ADAMTS7: variants seen among roughly 807,000 people sequenced by gnomAD.
ADAMTS7 encodes the protein ADAM metallopeptidase with thrombospondin type 1 motif 7, also known as A disintegrin and metalloproteinase with thrombospondin motifs 7.
In ADAMTS7, 89 loss-of-function variants were observed where a neutral mutation model predicts 172.6. The ratio of observed to expected loss-of-function variants is 0.52; its 90% CI spans 0.43 to 0.61. The LOEUF (loss-of-function observed/expected upper bound fraction) is 0.61. ADAMTS7 is among the 20% of genes least tolerant of loss of function. The probability of loss-of-function intolerance (pLI) is 0.00; values close to 1 mark genes in which losing one functional copy is unlikely to be tolerated. For missense variants in ADAMTS7, 1,973 were observed against 2,355.6 expected, an observed-to-expected ratio of 0.84 and a Z score of 3.36; for synonymous variants, 885 against 978.4, an observed-to-expected ratio of 0.90 and a Z score of 1.78.
chr15:78,805,847 G>A (rs1349674731), intron 1 of ADAMTS7, among the ~76,000 whole-genome samples: 3 of 152,116 alleles, frequency 2.0e-5, no homozygotes, highest in South Asian at 2.1e-4. Context: ...TTGGAAGACC[G>A]AGGAGGGCAG....
rs768908564 is a variant in ADAMTS7 at position 78,785,273 on chromosome 15, G to A, written c.1322+2958C>T. On this transcript the variant is annotated intron_variant, in intron 8 of 23. Coordinates refer to ENST00000388820, the MANE Select transcript of ADAMTS7 (RefSeq NM_014272.5). ...CTTAAAAAGAAATGCCATCTAGATG[G>A]GGCGCAGTGGCTCTCATCTGTAATC... 4.2e-4 allele frequency among the ~76,000 whole-genome samples: 64 copies of A among 152,270 alleles called. 1 individual carries two copies. Among genetic ancestry groups the A allele is most frequent in the Non-Finnish European group, 8.5e-4 (58 of 68,024 alleles).
At chr15:78,762,793 G>A (rs3893306) in intron 22 of ADAMTS7, among the ~76,000 whole-genome samples, 36,694 of 152,066 alleles carry the variant, frequency 0.24, 5,008 homozygotes, top group Non-Finnish European at 0.33. Flanking sequence ...GGGAAGGGGC[G>A]TGAGAACCGT....
At chr15:78,774,051 C>T (rs1184227877) in intron 13 of ADAMTS7, 116 bp downstream of exon 13, 10 of 1,499,168 alleles carry the variant, frequency 6.7e-6, no homozygotes, top group Non-Finnish European at 8.9e-6. Flanking sequence ...CAGGAGAGAA[C>T]CTGGGGCCCG....
chr15:78,760,804 A>C (rs995489284), intron 23 of ADAMTS7, among the ~76,000 whole-genome samples: 1 of 152,084 alleles, frequency 6.6e-6, no homozygotes, highest in Non-Finnish European at 1.5e-5. Flanking sequence ...CACTTAGGAC[A>C]GCTTCTAGTT....
In ADAMTS7 at chr15:78,773,135, G is replaced by A. The variant is rs774169849; in HGVS notation, c.2079C>T (p.Asn693=). ...MEDRCGVCHG[N]GSTCHTVSGT... ...CGCTCACGGTGTGGCAGGTGGAGCC[G>A]TTGCCGTGGCACACACCACAGCGGT... The change falls in exon 14 of 24, where the codon AAC becomes AAT. Residue 693 remains asparagine (N), a synonymous_variant. Coordinates refer to ENST00000388820, the MANE Select transcript of ADAMTS7 (RefSeq NM_014272.5). 95 of 1,510,656 alleles carry A rather than the reference G, an allele frequency of 6.3e-5. No homozygotes were observed. Among genetic ancestry groups the A allele is most frequent in the Non-Finnish European group, 7.8e-5 (86 of 1,109,520 alleles). 93.6% of individuals were successfully genotyped at this position (1,510,656 alleles called of 1,614,324 possible).
rs2055794229 is a variant in ADAMTS7, at chr15:78,806,152, A to AAAAAAAC, written c.100+4968_100+4969insGTTTTTT. Among the ~76,000 whole-genome samples, 2 of 115,032 alleles carry AAAAAAAC rather than the reference A, an allele frequency of 1.7e-5. 1 individual carries two copies. Among genetic ancestry groups the AAAAAAAC allele is most frequent in the African/African-American group, 1.0e-4 (2 of 19,790 alleles). The allele number at this position is 115,032 out of a possible 152,430, so 75.5% of individuals were successfully genotyped here. A position where few individuals can be genotyped will look rare whatever the true frequency, so the allele number is the denominator to read the frequency against. ...CAAAAAAAAAAAAAAAAAAAAAAAA[A>AAAAAAAC]AAACAGAAAAATGGGTGCAGTAGAC... On this transcript the variant is annotated intron_variant, in intron 1 of 23. Coordinates refer to ENST00000388820, the MANE Select transcript of ADAMTS7 (RefSeq NM_014272.5).
chr15:78,776,695 GCA>G, intron 10 of ADAMTS7, 52 bp downstream of exon 10: 1 of 1,494,886 alleles, frequency 6.7e-7, no homozygotes, highest in Non-Finnish European at 9.1e-7. Context: ...CCTGGTCACA[GCA>G]GGAAGTCTGG....
Position 78,796,704 on chromosome 15 carries a change from C to T in ADAMTS7, c.705G>A (p.Gln235=). 1 of 1,613,618 alleles carries T rather than the reference C, an allele frequency of 6.2e-7. No individual in the cohort carries two copies. The highest frequency in any genetic ancestry group is 8.5e-7 in the Non-Finnish European group (1 of 1,179,956). ...WRRPRLRRLH[Q]RSVSKEKWVE... ...CCCACTTCTCTTTGCTGACCGACCG[C>T]TGGTGTAGACGCCTCAGCCGTGGCC... is the stretch of plus-strand genomic sequence containing the variant. Residue 235 remains glutamine (Q), a synonymous_variant, in exon 4 of 24, where the codon CAG becomes CAA. Transcript: ENST00000388820.
chr15:78,800,363 C>G lies in ADAMTS7; in HGVS notation c.285G>C (p.Leu95=). ...GCGCCAGCAGGTGCTGATTGGCGGT[C>G]AGGTTGAAGCGCAGCTCGCGCCCGC... ...QYRGRELRFN[L]TANQHLLAPG... The change falls in exon 2 of 24, where the codon CTG becomes CTC. Residue 95 remains leucine (L), a synonymous_variant. Coordinates refer to ENST00000388820, the MANE Select transcript of ADAMTS7 (RefSeq NM_014272.5). 2.5e-6 allele frequency: 4 copies of G among 1,604,588 alleles called. No individual in the cohort carries two copies. The highest frequency in any genetic ancestry group is 3.4e-6 in the Non-Finnish European group (4 of 1,176,718).
At position 78,785,990 on chromosome 15, in the gene ADAMTS7, C is replaced by A. The variant is rs375258098; in HGVS notation, c.1322+2241G>T. 6.0e-5 allele frequency among the ~76,000 whole-genome samples: 9 copies of A among 149,530 alleles called. No individual in the cohort carries two copies. In the East Asian group the frequency reaches 7.7e-4, roughly 13 times the overall value. The stretch of plus-strand genomic sequence containing the variant: ...TGTTGCCCAGGTTGGAGTGCAGTGG[C>A]GCGATCTTGGCTCACTGCAACCTCC... On this transcript the variant is annotated intron_variant, in intron 8 of 23. Transcript: ENST00000388820.
At chr15:78,772,812 C>T (rs1201872038) in intron 14 of ADAMTS7, among the ~76,000 whole-genome samples, 2 of 152,264 alleles carry the variant, frequency 1.3e-5, no homozygotes, top group African/African-American at 4.8e-5. Flanking sequence ...GAGGAGACTA[C>T]CATTCTTTGG....
intron 9 of ADAMTS7, 135 bp from the exon 10 acceptor site, chr15:78,776,976 C>T (rs2055356863): frequency 5.6e-6 from 4 of 713,118 alleles, no homozygotes; most frequent in African/African-American, 3.5e-5. Context: ...CCAGAGGTTC[C>T]TTCTTGTGTG....
intron 1 of ADAMTS7, among the ~76,000 whole-genome samples, chr15:78,802,087 T>A (rs1170852890): frequency 6.6e-6 from 1 of 152,148 alleles, no homozygotes; most frequent in Non-Finnish European, 1.5e-5. Context: ...TCCTCCCACC[T>A]CAGCCTCCTA....
intron 1 of ADAMTS7, among the ~76,000 whole-genome samples, chr15:78,802,771 C>G (rs1018593309): frequency 3.3e-5 from 5 of 152,192 alleles, no homozygotes; most frequent in African/African-American, 1.2e-4. Context: ...CCGAGGCAGG[C>G]AAATCACTTG....
chr15:78,796,363 C>A (rs752229956), intron 4 of ADAMTS7, among the ~76,000 whole-genome samples: 6 of 152,128 alleles, frequency 3.9e-5, no homozygotes, highest in Non-Finnish European at 7.4e-5. Context: ...GGCATGACAC[C>A]CTATGGTGTC....
intron 16 of ADAMTS7, among the ~76,000 whole-genome samples, 198 bp from the exon 17 acceptor site, chr15:78,768,457 T>A (rs1294524804): frequency 4.6e-5 from 7 of 152,124 alleles, no homozygotes. Context: ...CCGCCCCCTC[T>A]CCTATGTAGC....
chr15:78,762,645 G>C, intron 22 of ADAMTS7, 80 bp from the exon 23 acceptor site: 1 of 1,154,092 alleles, frequency 8.7e-7, no homozygotes, highest in Non-Finnish European at 1.1e-6. Flanking sequence ...CTGGGAAGCC[G>C]TCCCTGCGCC....
rs778722043 is a variant in ADAMTS7, at chr15:78,776,222, C to T, written c.1672G>A (p.Val558Ile). ...GTGCACTGCCGCTCGGCGCTCTGTACGCCCATGCCACAGCTCCGTGAGCAG... is the reference window on the plus strand; with the variant it reads ...GTGCACTGCCGCTCGGCGCTCTGTATGCCCATGCCACAGCTCCGTGAGCAG... ...SICSRSCGMG[V>I]QSAERQCTQP... The change falls in exon 11 of 24, where the codon GTA becomes ATA. Residue 558 changes from valine to isoleucine, a missense_variant. Around this residue, in one of 8 missense-constraint regions of ADAMTS7, gnomAD observed 526 missense variants for 662.9 expected, o/e 0.79. Coordinates refer to ENST00000388820, the MANE Select transcript of ADAMTS7 (RefSeq NM_014272.5). 54 of 1,611,396 alleles carry T rather than the reference C, an allele frequency of 3.4e-5. No individual in the cohort carries two copies. The highest frequency in any genetic ancestry group is 4.1e-5 in the Non-Finnish European group (48 of 1,179,808).
At chr15:78,811,066 G>C (rs549946886) in intron 1 of ADAMTS7, 55 bp downstream of exon 1, 1 of 1,227,360 alleles carries the variant, frequency 8.1e-7, no homozygotes, top group East Asian at 3.2e-5. Context: ...AACCGAGACT[G>C]GGGGAGCGGG....
Sources: allele counts gnomAD v4.1 joint callset (sites outside exome capture counted in the v4.1 genomes callset), GRCh38; gene constraint gnomAD v4.1.1; regional missense constraint gnomAD v4.1.1; transcripts MANE v1.5; gene names NCBI Gene and HGNC (gene_info 2026-07-23, HGNC 2026-07-21).